The following PRIM2 variants were observed in gnomAD, a reference collection of about 807,000 sequenced individuals.
PRIM2 encodes the protein DNA primase subunit 2.
In PRIM2, 39 loss-of-function variants were observed where a neutral mutation model predicts 67.3. The observed-to-expected ratio is 0.58, with a 90% CI of 0.45 to 0.76. PRIM2 has a LOEUF of 0.76. PRIM2 is among the 30% of genes least tolerant of loss of function. The pLI is 0.00. For missense variants in PRIM2, 398 were observed against 598.7 expected, an observed-to-expected ratio of 0.66 and a Z score of 3.50; for synonymous variants, 143 against 198.7, an observed-to-expected ratio of 0.72 and a Z score of 2.36.
the PRIM2 span, among the ~76,000 whole-genome samples, chr6:57,286,679 A>T: frequency 6.6e-6 from 1 of 152,212 alleles, no homozygotes; most frequent in Non-Finnish European, 1.5e-5. Context: ...AGGCAATACC[A>T]TTCAGGACAT....
intron 7 of PRIM2, among the ~76,000 whole-genome samples, chr6:57,402,085 A>G (rs867904924): frequency 1.3e-5 from 2 of 152,132 alleles, no homozygotes; most frequent in African/African-American, 4.8e-5. Context: ...AGGAGATAAT[A>G]TGGGAACATG....
At chr6:57,321,605 A>G (rs1327300491) in intron 3 of PRIM2, among the ~76,000 whole-genome samples, 1 of 152,122 alleles carries the variant, frequency 6.6e-6, no homozygotes, top group Non-Finnish European at 1.5e-5. Context: ...ATGAACCAGG[A>G]TAGTAGTGTC....
chr6:57,306,485 C>T, the PRIM2 span, among the ~76,000 whole-genome samples: 1 of 152,106 alleles, frequency 6.6e-6, no homozygotes, highest in African/African-American at 2.4e-5. Flanking sequence ...TAAAAAGGAC[C>T]TTTGCATCCT....
At chr6:57,440,221 C>A (rs1434952627) in intron 7 of PRIM2, among the ~76,000 whole-genome samples, 1 of 150,762 alleles carries the variant, frequency 6.6e-6, no homozygotes, top group Non-Finnish European at 1.5e-5. Context: ...TTTTTTCCCC[C>A]AGACACCAGT....
chr6:57,400,028 C>T (rs1770652268), intron 7 of PRIM2, among the ~76,000 whole-genome samples: 1 of 152,262 alleles, frequency 6.6e-6, no homozygotes, highest in Admixed American at 6.5e-5. Flanking sequence ...TTGAAGACAG[C>T]ATACCATTGG....
upstream of PRIM2, among the ~76,000 whole-genome samples, chr6:57,313,949 T>A (rs1213084714): frequency 6.6e-6 from 1 of 152,198 alleles, no homozygotes; most frequent in Admixed American, 6.5e-5. Context: ...TCAGGGTGAA[T>A]GCCACGTGGG....
At chr6:57,570,943 T>C (rs1461937058) in intron 10 of PRIM2, among the ~76,000 whole-genome samples, 16 of 152,226 alleles carry the variant, frequency 1.1e-4, no homozygotes, top group Non-Finnish European at 1.8e-4. Context: ...TCCCTATAAT[T>C]TTTTTGCCAG....
At chr6:57,639,620 A>ACAACCTCTACACAAATAAG (rs1554359324) in intron 13 of PRIM2, among the ~76,000 whole-genome samples, 1 of 78,658 alleles carries the variant, frequency 1.3e-5, no homozygotes, top group Non-Finnish European at 2.5e-5. Flanking sequence ...AATACTGTAA[A>ACAACCTCTACACAAATAAG]CTAGAAAGTT....
At chr6:57,493,477 G>A (rs1350937043) in intron 7 of PRIM2, among the ~76,000 whole-genome samples, 1 of 152,156 alleles carries the variant, frequency 6.6e-6, no homozygotes, top group East Asian at 1.9e-4. Flanking sequence ...AAGCATCTTA[G>A]TAGGATAGAT....
chr6:57,467,458 G>C (rs1244492858), intron 7 of PRIM2, among the ~76,000 whole-genome samples: 1 of 152,084 alleles, frequency 6.6e-6, no homozygotes, highest in Non-Finnish European at 1.5e-5. Context: ...TTATTTGTGA[G>C]GCCTCTGTTT....
chr6:57,325,721 C>G (rs1767828284), intron 4 of PRIM2, among the ~76,000 whole-genome samples: 1 of 152,160 alleles, frequency 6.6e-6, no homozygotes, highest in South Asian at 2.1e-4. Flanking sequence ...TTTTAACACC[C>G]CCTATACCTT....
At chr6:57,260,904 T>C in the PRIM2 span, among the ~76,000 whole-genome samples, 2 of 152,188 alleles carry the variant, frequency 1.3e-5, no homozygotes, top group African/African-American at 4.8e-5. Context: ...CGGATATGAC[T>C]GTTCATGATC....
chr6:57,369,035 C>T (rs1035282699), intron 5 of PRIM2, among the ~76,000 whole-genome samples: 3 of 152,210 alleles, frequency 2.0e-5, no homozygotes, highest in African/African-American at 7.2e-5. Context: ...TAACACACGT[C>T]ACTTCCACTC....
chr6:57,609,639 A>G (rs1259420212), intron 12 of PRIM2, among the ~76,000 whole-genome samples: 6 of 152,354 alleles, frequency 3.9e-5, no homozygotes, highest in African/African-American at 1.4e-4. Context: ...CCCTTGATCC[A>G]TAAGTATACT....
At chr6:57,609,898 A>G (rs1462177321) in intron 12 of PRIM2, among the ~76,000 whole-genome samples, 3 of 152,210 alleles carry the variant, frequency 2.0e-5, no homozygotes, top group Non-Finnish European at 4.4e-5. Flanking sequence ...TGAATTTTGC[A>G]GGTTGGCCTA....
At chr6:57,529,647 A>C (rs1774845176) in intron 8 of PRIM2, among the ~76,000 whole-genome samples, 1 of 152,190 alleles carries the variant, frequency 6.6e-6, no homozygotes, top group African/African-American at 2.4e-5. Flanking sequence ...AAAATAATAC[A>C]AGAGGAGATG....
the PRIM2 span, among the ~76,000 whole-genome samples, chr6:57,253,930 G>A: frequency 6.6e-6 from 1 of 152,198 alleles, no homozygotes; most frequent in African/African-American, 2.4e-5. Flanking sequence ...CAGTCTCACA[G>A]GTTACCAAAG....
chr6:57,305,506 C>T, the PRIM2 span, among the ~76,000 whole-genome samples: 15 of 152,202 alleles, frequency 9.9e-5, no homozygotes, highest in African/African-American at 3.6e-4. Context: ...AGAATCGTTT[C>T]AGCTCAAACA....
At chr6:57,635,526 T>C (rs1777103648) in intron 13 of PRIM2, among the ~76,000 whole-genome samples, 1 of 152,204 alleles carries the variant, frequency 6.6e-6, no homozygotes, top group Non-Finnish European at 1.5e-5. Flanking sequence ...CACAGAATTT[T>C]AATAGAAATT....
Sources: gnomAD v4.1 joint callset for allele counts (sites outside exome capture counted in the v4.1 genomes callset) on GRCh38, gnomAD v4.1.1 for gene constraint, MANE v1.5 for transcripts, NCBI Gene and HGNC (gene_info 2026-07-23, HGNC 2026-07-21) for gene names.